SLC8A1: variants seen among roughly 807,000 people sequenced by gnomAD.
The protein encoded by SLC8A1 is sodium/calcium exchanger 1.
A neutral mutation model predicts 68.3 loss-of-function variants in SLC8A1; 18 were observed. The observed-to-expected ratio is 0.26, with a 90% CI of 0.18 to 0.39. The LOEUF is 0.39. SLC8A1 is among the 10% of genes least tolerant of loss of function. SLC8A1 has a pLI of 1.00. For missense variants in SLC8A1, 985 were observed against 1,156.7 expected (o/e 0.85, Z 2.15); for synonymous variants, 475 against 415.5 (o/e 1.14, Z -1.74).
At chr2:40,475,384 C>T (rs1704228170) in intron 1 of SLC8A1, among the ~76,000 whole-genome samples, 1 of 152,064 alleles carries the variant, frequency 6.6e-6, no homozygotes, top group South Asian at 2.1e-4. Flanking sequence ...CCACCCGCCT[C>T]TGCCTCCTAA....
intron 2 of SLC8A1, among the ~76,000 whole-genome samples, chr2:40,188,970 T>C (rs2051231744): frequency 6.6e-6 from 1 of 152,246 alleles, no homozygotes; most frequent in Non-Finnish European, 1.5e-5. Context: ...TTATGTCTAA[T>C]ATTTTATTGG....
chr2:40,364,421 C>T lies in SLC8A1; in HGVS notation c.1808+64052G>A, dbSNP rs192461486. ...TATTGATTCATTAAAAATGTAAGTA[C>T]AGTAAGCTGGAAAGTATGGCAAGTA... On this transcript the variant is annotated intron_variant, in intron 2 of 7. Transcript: ENST00000406785. Among the ~76,000 whole-genome samples, 3 of 147,864 alleles carry T rather than the reference C, an allele frequency of 2.0e-5. No individual in the cohort carries two copies. The East Asian group carries it at 5.9e-4, about 29-fold the overall frequency.
intron 2 of SLC8A1, among the ~76,000 whole-genome samples, chr2:40,367,817 C>T (rs1348676034): frequency 6.6e-6 from 1 of 152,094 alleles, no homozygotes; most frequent in East Asian, 1.9e-4. Context: ...GCTTTGTTCA[C>T]AGCCACGTAA....
chr2:40,398,604 CAT>C (rs1312361280), intron 2 of SLC8A1, among the ~76,000 whole-genome samples: 1 of 152,086 alleles, frequency 6.6e-6, no homozygotes, highest in African/African-American at 2.4e-5. Flanking sequence ...AAAATGCAAT[CAT>C]AGAATAGTCA....
chr2:40,506,832 G>C (rs957055835), intron 1 of SLC8A1, among the ~76,000 whole-genome samples: 1 of 151,992 alleles, frequency 6.6e-6, no homozygotes, highest in African/African-American at 2.4e-5. Context: ...ATGTGTGGTA[G>C]AGTGAAAATA....
intron 2 of SLC8A1, among the ~76,000 whole-genome samples, chr2:40,320,432 A>G (rs1045349806): frequency 6.6e-6 from 1 of 152,134 alleles, no homozygotes; most frequent in African/African-American, 2.4e-5. Context: ...CTGAAAATAT[A>G]ATTTACTTTT....
chr2:40,447,115 A>G (rs1023320472), intron 1 of SLC8A1, among the ~76,000 whole-genome samples: 12 of 152,360 alleles, frequency 7.9e-5, no homozygotes, highest in South Asian at 4.1e-4. Flanking sequence ...TTTAATATTT[A>G]CATCTAGTTT....
exon 1 of SLC8A1, chr2:40,512,417 C>T (rs957177456): frequency 6.6e-6 from 1 of 152,256 alleles, no homozygotes; most frequent in Non-Finnish European, 1.5e-5. Context: ...ATGATGCCTT[C>T]TCTAAATTTA....
chr2:40,269,834 CG>C (rs2065806600), intron 2 of SLC8A1, among the ~76,000 whole-genome samples: 1 of 151,620 alleles, frequency 6.6e-6, no homozygotes, highest in Non-Finnish European at 1.5e-5. Flanking sequence ...TTAGGGTACA[CG>C]TGCACAATGT....
Position 40,289,862 on chromosome 2 carries a change from A to AAAATTAAATTAAATT in SLC8A1, c.1809-112022_1809-112008dup, listed in dbSNP as rs201875232. On this transcript the variant is annotated intron_variant, in intron 2 of 7. Coordinates refer to ENST00000406785, the Ensembl canonical transcript of SLC8A1. The stretch of plus-strand genomic sequence containing the variant: ...GGCGACAGAGCGAGACTCAGTCTCA[A>AAAATTAAATTAAATT]AAATTAAATTAAATTAAATTAAATT... Among the ~76,000 whole-genome samples, 676 of 151,836 alleles carry AAAATTAAATTAAATT rather than the reference A, an allele frequency of 4.5e-3. 8 individuals are homozygous for AAAATTAAATTAAATT. The highest frequency in any genetic ancestry group is 0.016 in the African/African-American group (651 of 41,176).
At chr2:40,295,873 G>A (rs1210380319) in intron 2 of SLC8A1, among the ~76,000 whole-genome samples, 6 of 152,166 alleles carry the variant, frequency 3.9e-5, no homozygotes, top group Middle Eastern at 6.8e-3. Context: ...GGCCAAAATC[G>A]CCCTTTCTGC....
intron 2 of SLC8A1, among the ~76,000 whole-genome samples, chr2:40,283,439 C>A (rs2149196941): frequency 6.6e-6 from 1 of 152,308 alleles, no homozygotes; most frequent in South Asian, 2.1e-4. Flanking sequence ...CCAGATGGTT[C>A]ATCAGGGATC....
At chr2:40,179,348 A>G (rs2049034637) in intron 2 of SLC8A1, among the ~76,000 whole-genome samples, 1 of 152,232 alleles carries the variant, frequency 6.6e-6, no homozygotes, top group Non-Finnish European at 1.5e-5. Context: ...TCTTCCTGTA[A>G]TCCAACCTTT....
intron 6 of SLC8A1, among the ~76,000 whole-genome samples, chr2:40,148,621 C>T (rs2042891268): frequency 6.6e-6 from 1 of 152,176 alleles, no homozygotes; most frequent in South Asian, 2.1e-4. Context: ...GTAAACACGG[C>T]CCTCCACTGA....
At chr2:40,410,796 A>G (rs982774684) in intron 2 of SLC8A1, among the ~76,000 whole-genome samples, 1 of 152,114 alleles carries the variant, frequency 6.6e-6, no homozygotes, top group African/African-American at 2.4e-5. Flanking sequence ...TTATTAAAAA[A>G]GCATTTTCAC....
chr2:40,450,835 ATTGCTCTC>A (rs1409000659), intron 1 of SLC8A1, among the ~76,000 whole-genome samples: 1 of 152,210 alleles, frequency 6.6e-6, no homozygotes, highest in Non-Finnish European at 1.5e-5. Flanking sequence ...CAACATGCAC[ATTGCTCTC>A]TTCTAAAAAT....
intron 1 of SLC8A1, among the ~76,000 whole-genome samples, chr2:40,492,844 A>G (rs961901374): frequency 6.7e-6 from 1 of 149,192 alleles, no homozygotes; most frequent in African/African-American, 2.5e-5. Flanking sequence ...GTCAGGAAAC[A>G]ACAGGTGCTG....
chr2:40,277,153 A>T (rs917230447), intron 2 of SLC8A1, among the ~76,000 whole-genome samples: 2 of 152,232 alleles, frequency 1.3e-5, no homozygotes, highest in East Asian at 1.9e-4. Flanking sequence ...ATAATAACAC[A>T]TATTTACATG....
At chr2:40,141,722 T>A (rs2041603144) in intron 6 of SLC8A1, among the ~76,000 whole-genome samples, 1 of 152,208 alleles carries the variant, frequency 6.6e-6, no homozygotes, top group African/African-American at 2.4e-5. Flanking sequence ...TAAAGCTCTG[T>A]CATCACCTCA....
Sources: allele counts gnomAD v4.1 joint callset (sites outside exome capture counted in the v4.1 genomes callset), GRCh38; gene constraint gnomAD v4.1.1; transcripts MANE v1.5; gene names NCBI Gene and HGNC (gene_info 2026-07-23, HGNC 2026-07-21).